Variants in CDH18 observed in about 807,000 individuals in gnomAD.
CDH18 encodes the protein cadherin 18, also known as cadherin-18.
In CDH18, 31 loss-of-function variants were observed where a neutral mutation model predicts 67.9. The ratio of observed to expected loss-of-function variants is 0.46; its 90% CI spans 0.34 to 0.62. The LOEUF is 0.62. CDH18 is among the 20% of genes least tolerant of loss of function. The pLI, the probability that CDH18 is intolerant of heterozygous loss-of-function variation, is 0.01. For missense variants in CDH18, 890 were observed against 975.5 expected (o/e 0.91, Z 1.17); for synonymous variants, 362 against 347.2 (o/e 1.04, Z -0.48).
At chr5:20,073,495 G>A (rs1227896609) in intron 2 of CDH18, among the ~76,000 whole-genome samples, 2 of 151,890 alleles carry the variant, frequency 1.3e-5, no homozygotes, top group East Asian at 3.9e-4. Context: ...GTTGGTACTG[G>A]GCCAGTGAAA....
At chr5:19,679,195 C>CA (rs965211513) in intron 5 of CDH18, among the ~76,000 whole-genome samples, 3 of 151,724 alleles carry the variant, frequency 2.0e-5, no homozygotes, top group Admixed American at 1.3e-4. Flanking sequence ...GAACTAAAAG[C>CA]AAAAAACCAC....
At chr5:19,746,764 A>G (rs1031465394) in intron 4 of CDH18, among the ~76,000 whole-genome samples, 178 bp downstream of exon 4, 2 of 152,208 alleles carry the variant, frequency 1.3e-5, no homozygotes, top group African/African-American at 4.8e-5. Flanking sequence ...AATGAATATA[A>G]TTGCTAGACC....
intron 1 of CDH18, among the ~76,000 whole-genome samples, chr5:20,264,319 C>T (rs945839709): frequency 1.3e-5 from 2 of 151,844 alleles, no homozygotes; most frequent in South Asian, 2.1e-4. Context: ...TCAAAAAATG[C>T]TTTAAAATTA....
chr5:19,577,995 A>T (rs764752100), intron 7 of CDH18, among the ~76,000 whole-genome samples: 9 of 152,150 alleles, frequency 5.9e-5, no homozygotes, highest in Non-Finnish European at 1.2e-4. Flanking sequence ...TGTAGCCATG[A>T]GCTGAGGAAC....
intron 3 of CDH18, among the ~76,000 whole-genome samples, chr5:19,782,951 T>C (rs772880965): frequency 6.6e-5 from 10 of 152,212 alleles, no homozygotes; most frequent in Admixed American, 1.3e-4. Flanking sequence ...TTTGTGGATA[T>C]AAAGTATTTG....
At chr5:20,342,188 G>A (rs1004952323) in intron 1 of CDH18, among the ~76,000 whole-genome samples, 1 of 152,142 alleles carries the variant, frequency 6.6e-6, no homozygotes, top group Non-Finnish European at 1.5e-5. Flanking sequence ...TAAAGTGAGG[G>A]TATTGATTGG....
intron 5 of CDH18, among the ~76,000 whole-genome samples, chr5:19,649,938 T>C (rs1755338898): frequency 6.6e-6 from 1 of 152,036 alleles, no homozygotes; most frequent in Admixed American, 6.6e-5. Context: ...AATACTGTTT[T>C]CTCATCTCAT....
intron 2 of CDH18, among the ~76,000 whole-genome samples, chr5:20,104,716 G>C (rs1580252757): frequency 6.6e-6 from 1 of 151,626 alleles, no homozygotes; most frequent in African/African-American, 2.4e-5. Flanking sequence ...CCTCTTGCCA[G>C]GTGTCTGAAT....
intron 1 of CDH18, among the ~76,000 whole-genome samples, chr5:20,366,375 T>G (rs900605127): frequency 3.3e-5 from 5 of 152,234 alleles, no homozygotes; most frequent in Non-Finnish European, 7.3e-5. Context: ...TTCCACTTTT[T>G]TTCCTGTTCC....
At chr5:19,723,214 A>G (rs948760297) in intron 4 of CDH18, among the ~76,000 whole-genome samples, 1 of 152,084 alleles carries the variant, frequency 6.6e-6, no homozygotes, top group Non-Finnish European at 1.5e-5. Context: ...GGCTGCAGTG[A>G]GCCGAGATTG....
At chr5:20,390,819 G>T (rs1246565928) in intron 1 of CDH18, among the ~76,000 whole-genome samples, 1 of 152,040 alleles carries the variant, frequency 6.6e-6, no homozygotes. Flanking sequence ...AAAAAAGGAT[G>T]AGTTCATGTC....
chr5:20,064,274 G>A (rs1329278922), intron 2 of CDH18, among the ~76,000 whole-genome samples: 1 of 152,110 alleles, frequency 6.6e-6, no homozygotes, highest in Non-Finnish European at 1.5e-5. Context: ...GATTTAGGAT[G>A]CAACATAAAA....
At chr5:19,967,508 C>A (rs960732298) in intron 2 of CDH18, among the ~76,000 whole-genome samples, 14 of 151,932 alleles carry the variant, frequency 9.2e-5, no homozygotes, top group African/African-American at 3.4e-4. Flanking sequence ...ATATAACTTG[C>A]CTGTGGTGAT....
chr5:20,219,286 T>C (rs890353694), intron 2 of CDH18, among the ~76,000 whole-genome samples: 3 of 151,232 alleles, frequency 2.0e-5, no homozygotes, highest in Non-Finnish European at 4.4e-5. Context: ...CCATGAAAAA[T>C]CCAAAACCTG....
intron 1 of CDH18, among the ~76,000 whole-genome samples, chr5:20,544,096 T>C (rs1330948491): frequency 6.6e-6 from 1 of 152,198 alleles, no homozygotes; most frequent in Admixed American, 6.5e-5. Context: ...TTTCAGTACA[T>C]AGGTGATTAG....
At chr5:19,726,531 C>G (rs571155102) in intron 4 of CDH18, among the ~76,000 whole-genome samples, 1 of 152,182 alleles carries the variant, frequency 6.6e-6, no homozygotes, top group East Asian at 1.9e-4. Context: ...AAATGCCAGC[C>G]CATCAGAGAA....
Position 19,690,609 on chromosome 5 carries a change from G to A in CDH18, c.643+30738C>T, listed in dbSNP as rs114817695. On this transcript the variant is annotated intron_variant, in intron 5 of 12. Coordinates refer to ENST00000382275, the MANE Select transcript of CDH18 (RefSeq NM_004934.5). Reference sequence around the variant, plus strand: ...AAACATAAAAGGATACATTACAACCGATACCACAGAAATACAAAAAAAATC... The same window carrying A: ...AAACATAAAAGGATACATTACAACCAATACCACAGAAATACAAAAAAAATC... Among the ~76,000 whole-genome samples the A allele has an allele frequency of 5.4e-3, 814 of 151,328 alleles. 3 individuals carry two copies. Among genetic ancestry groups the A allele is most frequent in the Non-Finnish European group, 9.0e-3 (611 of 67,550 alleles).
At chr5:19,838,717 T>C (rs1362816441) in intron 3 of CDH18, 42 bp downstream of exon 3, 3 of 1,377,474 alleles carry the variant, frequency 2.2e-6, no homozygotes, top group Non-Finnish European at 1.0e-6. Flanking sequence ...TACCCCACAA[T>C]TTCTCAGGAT....
At chr5:19,958,843 G>C (rs1796525600) in intron 2 of CDH18, among the ~76,000 whole-genome samples, 1 of 152,066 alleles carries the variant, frequency 6.6e-6, no homozygotes, top group South Asian at 2.1e-4. Flanking sequence ...AGAATGTTTG[G>C]ACTTCCAGAG....
Sources: gnomAD v4.1 joint callset for allele counts (sites outside exome capture counted in the v4.1 genomes callset) on GRCh38, gnomAD v4.1.1 for gene constraint, MANE v1.5 for transcripts, NCBI Gene and HGNC (gene_info 2026-07-23, HGNC 2026-07-21) for gene names.